The following CTNNA3 variants were observed in gnomAD, a reference collection of about 807,000 sequenced individuals.
CTNNA3 encodes catenin alpha-3.
Under a neutral mutation model 95.7 loss-of-function variants are expected in CTNNA3, and 76 were observed. The ratio of observed to expected loss-of-function variants is 0.79; its 90% CI spans 0.66 to 0.96. CTNNA3 has a LOEUF of 0.96. Ranked by LOEUF, CTNNA3 falls within the 40% of genes least tolerant of loss-of-function variation. CTNNA3 has a pLI of 0.00. For missense variants in CTNNA3, 1,191 were observed against 1,089.8 expected, an observed-to-expected ratio of 1.09 and a Z score of -1.31; for synonymous variants, 431 against 374.4, an observed-to-expected ratio of 1.15 and a Z score of -1.74.
intron 7 of CTNNA3, among the ~76,000 whole-genome samples, chr10:67,127,451 A>G (rs1260702489): frequency 6.6e-6 from 1 of 152,202 alleles, no homozygotes; most frequent in Admixed American, 6.5e-5. Flanking sequence ...TTTAAGCTAC[A>G]TGTCCCAAGT....
chr10:66,619,925 G>A (rs1460666287), intron 10 of CTNNA3, among the ~76,000 whole-genome samples: 1 of 152,036 alleles, frequency 6.6e-6, no homozygotes, highest in Non-Finnish European at 1.5e-5. Flanking sequence ...GTCCTTATGG[G>A]ATGTGTGTGA....
chr10:67,486,324 T>C (rs1009273551), intron 5 of CTNNA3, among the ~76,000 whole-genome samples: 57 of 152,092 alleles, frequency 3.7e-4, no homozygotes, highest in African/African-American at 1.3e-3. Context: ...TTCACCATCT[T>C]CTTTTACTAT....
intron 5 of CTNNA3, among the ~76,000 whole-genome samples, chr10:67,462,910 CTTT>C (rs776462420): frequency 2.1e-5 from 3 of 143,988 alleles, no homozygotes; most frequent in Admixed American, 7.0e-5. Context: ...TTTTCTTTTT[CTTT>C]TTTTTTTTTG....
At chr10:66,954,529 C>A (rs533714517) in intron 7 of CTNNA3, among the ~76,000 whole-genome samples, 207 of 152,232 alleles carry the variant, frequency 1.4e-3, no homozygotes, top group Admixed American at 4.8e-3. Flanking sequence ...CCTCTTAGGG[C>A]AAACTGTAGG....
chr10:67,048,470 A>G (rs1589659585), intron 7 of CTNNA3, among the ~76,000 whole-genome samples: 1 of 152,146 alleles, frequency 6.6e-6, no homozygotes, highest in South Asian at 2.1e-4. Context: ...GTACAAAAGC[A>G]ATAATATATG....
chr10:66,113,167 G>A (rs1446030019), intron 13 of CTNNA3, among the ~76,000 whole-genome samples: 1 of 151,990 alleles, frequency 6.6e-6, no homozygotes, highest in East Asian at 1.9e-4. Context: ...GGTATCCTAA[G>A]AAGTGTGAAG....
Position 65,966,646 on chromosome 10 carries a change from A to G in CTNNA3, c.2366T>C (p.Ile789Thr), listed in dbSNP as rs780431081. The G allele has an allele frequency of 6.2e-7, 1 of 1,613,932 alleles. No homozygotes were observed. The highest frequency in any genetic ancestry group is 8.5e-7 in the Non-Finnish European group (1 of 1,179,890). Residue 789 changes from isoleucine (I) to threonine (T), a missense_variant, in exon 17 of 18, where the codon ATC (isoleucine) becomes ACC (threonine). Ile to Thr is a moderately conservative substitution (Grantham distance 89, BLOSUM62 -1). Transcript: ENST00000433211. ...GATGAGCTCTCCTCCCAGGTTCTGG[A>G]TCTCAGCTTTAACTTGACTGCAGAT... ...LKICSQVKAE[I>T]QNLGGELIMS...
intron 5 of CTNNA3, among the ~76,000 whole-genome samples, chr10:67,402,767 CAG>C (rs1193599870): frequency 2.6e-5 from 4 of 152,196 alleles, no homozygotes; most frequent in African/African-American, 7.2e-5. Context: ...GTCAGATACA[CAG>C]AGCTGTGTGG....
chr10:66,250,699 T>C (rs2090515298), intron 13 of CTNNA3, among the ~76,000 whole-genome samples: 1 of 152,042 alleles, frequency 6.6e-6, no homozygotes, highest in Admixed American at 6.6e-5. Flanking sequence ...CAATATTCTA[T>C]AGCTACTCAA....
chr10:67,699,976 G>C (rs953063262), upstream of CTNNA3, among the ~76,000 whole-genome samples: 1 of 152,218 alleles, frequency 6.6e-6, no homozygotes, highest in Non-Finnish European at 1.5e-5. Flanking sequence ...ATTATATCCC[G>C]CACATGCTTT....
chr10:66,518,857 T>C (rs931017240), intron 11 of CTNNA3, among the ~76,000 whole-genome samples: 7 of 152,034 alleles, frequency 4.6e-5, no homozygotes, highest in African/African-American at 1.7e-4. Context: ...AAGATTTTGA[T>C]TCTATAAAAA....
rs908611157 is a variant in CTNNA3 at position 67,245,875 on chromosome 10, C to A, written c.580-26005G>T. On this transcript the variant is annotated intron_variant, in intron 5 of 17. Coordinates refer to ENST00000433211, the MANE Select transcript of CTNNA3 (RefSeq NM_013266.4). Reference sequence around the variant, plus strand: ...GTCTCCAAAAAAAAAAAAAAAAAAACCAGAGAATTATCTAGTTACAACAGG... The same window carrying A: ...GTCTCCAAAAAAAAAAAAAAAAAAAACAGAGAATTATCTAGTTACAACAGG... 9.0e-4 allele frequency among the ~76,000 whole-genome samples: 128 copies of A among 141,950 alleles called. 1 individual carries two copies. Among genetic ancestry groups the A allele is most frequent in the Middle Eastern group, 3.7e-3 (1 of 272 alleles). The allele number at this position is 141,950 out of a possible 152,430, so 93.1% of individuals were successfully genotyped here.
At chr10:66,486,094 A>T (rs1285670129) in intron 11 of CTNNA3, among the ~76,000 whole-genome samples, 1 of 152,214 alleles carries the variant, frequency 6.6e-6, no homozygotes, top group Non-Finnish European at 1.5e-5. Flanking sequence ...TAAAGTTAGG[A>T]TCTGAAACTT....
At chr10:66,877,516 T>G (rs1388325928) in intron 7 of CTNNA3, among the ~76,000 whole-genome samples, 2 of 152,280 alleles carry the variant, frequency 1.3e-5, no homozygotes, top group South Asian at 2.1e-4. Context: ...CACCTATCAA[T>G]GCTTGCACTG....
At position 67,141,295 on chromosome 10, in the gene CTNNA3, A is replaced by G. The variant is rs549731207; in HGVS notation, c.1047+39022T>C. Among the ~76,000 whole-genome samples, 7 of 120,332 alleles carry G rather than the reference A, an allele frequency of 5.8e-5. No homozygotes were observed. The South Asian group carries it at 1.4e-3, about 25-fold the overall frequency. The allele number at this position is 120,332 out of a possible 152,430, so 78.9% of individuals were successfully genotyped here. A position where few individuals can be genotyped will look rare whatever the true frequency, so the allele number is the denominator to read the frequency against. On this transcript the variant is annotated intron_variant, in intron 7 of 17. Coordinates refer to ENST00000433211, the MANE Select transcript of CTNNA3 (RefSeq NM_013266.4). The stretch of plus-strand genomic sequence containing the variant: ...AATGCCAATTAATGCTTGCAAAGGC[A>G]CTCTAAGATTTTTTTTTTACAAGCA...
At chr10:66,441,720 A>C (rs2093376581) in intron 11 of CTNNA3, among the ~76,000 whole-genome samples, 1 of 152,216 alleles carries the variant, frequency 6.6e-6, no homozygotes, top group Admixed American at 6.5e-5. Context: ...CAGAATATAA[A>C]AACACTGTGT....
intron 5 of CTNNA3, among the ~76,000 whole-genome samples, chr10:67,387,603 G>C (rs1844245674): frequency 6.6e-6 from 1 of 152,186 alleles, no homozygotes; most frequent in Non-Finnish European, 1.5e-5. Context: ...CACCTCTGGG[G>C]GCAGGGCACA....
chr10:66,614,205 C>T (rs1448384000), intron 10 of CTNNA3, among the ~76,000 whole-genome samples: 1 of 152,022 alleles, frequency 6.6e-6, no homozygotes, highest in African/African-American at 2.4e-5. Context: ...AAGTGTCATA[C>T]TGGGACTTTT....
At chr10:67,446,068 G>A (rs529855403) in intron 5 of CTNNA3, among the ~76,000 whole-genome samples, 12 of 152,060 alleles carry the variant, frequency 7.9e-5, no homozygotes, top group Admixed American at 1.3e-4. Context: ...CAACAAACGC[G>A]AGATACAGTC....
Sources: gnomAD v4.1 joint callset for allele counts (sites outside exome capture counted in the v4.1 genomes callset) on GRCh38, gnomAD v4.1.1 for gene constraint, MANE v1.5 for transcripts, NCBI Gene and HGNC (gene_info 2026-07-23, HGNC 2026-07-21) for gene names.